ASRGL1: variants seen among roughly 807,000 people sequenced by gnomAD.
ASRGL1 encodes asparaginase and isoaspartyl peptidase 1.
ASRGL1 carries 16 observed loss-of-function variants against 22.4 expected under a neutral mutation model. The ratio of observed to expected loss-of-function variants is 0.71; its 90% CI spans 0.48 to 1.08. ASRGL1 has a LOEUF of 1.08. Ranked by LOEUF, ASRGL1 falls within the 50% of genes least tolerant of loss-of-function variation. ASRGL1 has a pLI of 0.00. For synonymous variants in ASRGL1, 165 were observed against 159.3 expected, an observed-to-expected ratio of 1.04 and a Z score of -0.27; for missense variants, 412 against 410.1, an observed-to-expected ratio of 1.00 and a Z score of -0.04.
At chr11:62,340,085 A>T (rs1289963649) in intron 2 of ASRGL1, among the ~76,000 whole-genome samples, 2 of 151,758 alleles carry the variant, frequency 1.3e-5, no homozygotes, top group Non-Finnish European at 2.9e-5. Context: ...AACATGGCAA[A>T]ACCCCATCTC....
chr11:62,388,168 G>T (rs973331529), intron 4 of ASRGL1, among the ~76,000 whole-genome samples: 11 of 152,166 alleles, frequency 7.2e-5, no homozygotes, highest in Non-Finnish European at 1.5e-4. Context: ...AAACATAGAA[G>T]TACAGTAAAA....
chr11:62,399,417 G>C, the ASRGL1 span, among the ~76,000 whole-genome samples: 8 of 152,278 alleles, frequency 5.3e-5, no homozygotes, highest in Non-Finnish European at 1.0e-4. Context: ...TTGTTCTGCC[G>C]GGTGCCCCAC....
intron 4 of ASRGL1, among the ~76,000 whole-genome samples, chr11:62,386,066 G>C (rs1947193499): frequency 6.6e-6 from 1 of 152,046 alleles, no homozygotes; most frequent in Admixed American, 6.6e-5. Flanking sequence ...GGAGGCTTAG[G>C]CAGGAGAATA....
At chr11:62,338,941 A>AAAAAC (rs1945798994) in intron 2 of ASRGL1, among the ~76,000 whole-genome samples, 1 of 151,664 alleles carries the variant, frequency 6.6e-6, no homozygotes, top group Non-Finnish European at 1.5e-5. Context: ...TCAAAAAAAA[A>AAAAAC]AAAAAAAACT....
chr11:62,349,031 C>T (rs1431511654), intron 2 of ASRGL1, among the ~76,000 whole-genome samples: 2 of 151,892 alleles, frequency 1.3e-5, no homozygotes, highest in Non-Finnish European at 2.9e-5. Flanking sequence ...TGCAGTGGCA[C>T]GATCTCGGCT....
intron 4 of ASRGL1, among the ~76,000 whole-genome samples, chr11:62,358,612 G>C (rs1459358783): frequency 6.6e-6 from 1 of 152,134 alleles, no homozygotes; most frequent in Non-Finnish European, 1.5e-5. Flanking sequence ...CACTTTAAAG[G>C]ACCCTCATAC....
At chr11:62,360,951 T>A (rs1478191590) in intron 4 of ASRGL1, among the ~76,000 whole-genome samples, 1 of 152,224 alleles carries the variant, frequency 6.6e-6, no homozygotes, top group Non-Finnish European at 1.5e-5. Flanking sequence ...AATCATTCTT[T>A]TCATGACACC....
intron 2 of ASRGL1, among the ~76,000 whole-genome samples, chr11:62,355,794 G>T (rs1011899249): frequency 5.3e-4 from 80 of 152,050 alleles, no homozygotes; most frequent in African/African-American, 1.8e-3. Context: ...GTGTCCCTGG[G>T]TACTTGAGAT....
intron 4 of ASRGL1, among the ~76,000 whole-genome samples, chr11:62,367,505 G>C (rs774729161): frequency 4.7e-5 from 7 of 149,852 alleles, no homozygotes; most frequent in East Asian, 4.0e-4. Flanking sequence ...TGAGTTGGGC[G>C]TGGTGGCGCA....
At chr11:62,385,284 C>T (rs1180069406) in intron 4 of ASRGL1, among the ~76,000 whole-genome samples, 1 of 151,764 alleles carries the variant, frequency 6.6e-6, no homozygotes, top group Non-Finnish European at 1.5e-5. Flanking sequence ...TCATTTTTTC[C>T]TTTGAATTAT....
At chr11:62,351,379 G>C (rs1946162169) in intron 2 of ASRGL1, among the ~76,000 whole-genome samples, 1 of 152,094 alleles carries the variant, frequency 6.6e-6, no homozygotes, top group South Asian at 2.1e-4. Context: ...GCTGAGCCTG[G>C]TGGCTCAAGC....
chr11:62,374,586 T>G (rs1946864251), intron 4 of ASRGL1, among the ~76,000 whole-genome samples: 1 of 152,150 alleles, frequency 6.6e-6, no homozygotes, highest in South Asian at 2.1e-4. Flanking sequence ...CATGTTAAAA[T>G]GCCAAAAATG....
intron 2 of ASRGL1, among the ~76,000 whole-genome samples, chr11:62,343,246 T>A (rs1266145006): frequency 1.3e-5 from 2 of 150,394 alleles, no homozygotes; most frequent in Non-Finnish European, 3.0e-5. Flanking sequence ...AGTGCAGTGG[T>A]GGGCACCTGT....
chr11:62,396,420 T>C (rs966182189), downstream of ASRGL1, among the ~76,000 whole-genome samples: 1 of 152,184 alleles, frequency 6.6e-6, no homozygotes, highest in Non-Finnish European at 1.5e-5. Flanking sequence ...GTTAAAAATA[T>C]GTAGGAGGAG....
At chr11:62,374,147 G>T (rs532898511) in intron 4 of ASRGL1, among the ~76,000 whole-genome samples, 7 of 152,132 alleles carry the variant, frequency 4.6e-5, no homozygotes, top group Non-Finnish European at 8.8e-5. Flanking sequence ...GCTGAGACTC[G>T]GGGTACCGTT....
At chr11:62,394,275 A>G (rs1238563939), downstream of ASRGL1, among the ~76,000 whole-genome samples, 10 of 142,920 alleles carry the variant, frequency 7.0e-5, no homozygotes, top group Non-Finnish European at 1.4e-4. Flanking sequence ...TATATATTAT[A>G]TATCATATAT....
chr11:62,391,694 T>C, intron 6 of ASRGL1, 62 bp downstream of exon 6: 1 of 1,514,256 alleles, frequency 6.6e-7, no homozygotes, highest in Non-Finnish European at 8.9e-7. Context: ...AGGTATTTGA[T>C]AAGTAAGCGC....
At chr11:62,371,016 G>A (rs927194645) in intron 4 of ASRGL1, 1 of 453,406 alleles carries the variant, frequency 2.2e-6, no homozygotes, top group African/African-American at 2.1e-5. Flanking sequence ...AAGTGTATCT[G>A]AGTGGGCTGG....
At chr11:62,394,300 ATT>A (rs1427033602), downstream of ASRGL1, among the ~76,000 whole-genome samples, 1 of 142,430 alleles carries the variant, frequency 7.0e-6, no homozygotes, top group Non-Finnish European at 1.5e-5. Flanking sequence ...TATATTATAT[ATT>A]ATATAAAAAT....
Sources: allele counts gnomAD v4.1 joint callset (sites outside exome capture counted in the v4.1 genomes callset), GRCh38; gene constraint gnomAD v4.1.1; transcripts MANE v1.5; gene names NCBI Gene and HGNC (gene_info 2026-07-23, HGNC 2026-07-21).